GALNT2: variants seen among roughly 807,000 people sequenced by gnomAD.
GALNT2 encodes UDP-GalNAc:polypeptide N-acetylgalactosaminyltransferase 2.
A neutral mutation model predicts 81.4 loss-of-function variants in GALNT2; 31 were observed. The observed-to-expected ratio is 0.38, with a 90% CI of 0.29 to 0.51. The LOEUF (loss-of-function observed/expected upper bound fraction) is 0.51, where lower values mean the gene tolerates loss of function less well. GALNT2 is among the 20% of genes least tolerant of loss of function. The probability of loss-of-function intolerance (pLI) is 0.87; values close to 1 mark genes in which losing one functional copy is unlikely to be tolerated. For missense variants in GALNT2, 629 were observed against 765.7 expected (o/e 0.82, Z 2.11); for synonymous variants, 303 against 287.4 (o/e 1.05, Z -0.55).
rs1662086630 is a variant in GALNT2, at chr1:230,151,299, A to G, written c.127-26919A>G. 5.3e-5 allele frequency among the ~76,000 whole-genome samples: 8 copies of G among 152,140 alleles called. No individual in the cohort carries two copies. The South Asian group carries it at 1.5e-3, about 28-fold the overall frequency. ...CACTGTTGTGTCACTTGCTCTGACC[A>G]CCGTTGACATCGCAGCACAGCGCTG... On this transcript the variant is annotated intron_variant, in intron 1 of 15. Transcript: ENST00000366672.
At chr1:230,184,333 C>T (rs934422160) in intron 2 of GALNT2, among the ~76,000 whole-genome samples, 9 of 151,950 alleles carry the variant, frequency 5.9e-5, no homozygotes, top group African/African-American at 1.9e-4. Flanking sequence ...GGACTACAGG[C>T]GCCCAACCAC....
intron 1 of GALNT2, among the ~76,000 whole-genome samples, chr1:230,169,568 CTG>C (rs1662727120): frequency 6.6e-6 from 1 of 152,174 alleles, no homozygotes. Flanking sequence ...AATTGACCGA[CTG>C]TGCGTGGAAT....
chr1:230,214,843 G>C (rs756134406), intron 3 of GALNT2, among the ~76,000 whole-genome samples: 2 of 152,050 alleles, frequency 1.3e-5, no homozygotes, highest in Non-Finnish European at 2.9e-5. Flanking sequence ...GTCTCAGTCT[G>C]GATATATTTC....
chr1:230,073,412 C>T (rs1659434445), intron 1 of GALNT2, among the ~76,000 whole-genome samples: 1 of 152,198 alleles, frequency 6.6e-6, no homozygotes, highest in African/African-American at 2.4e-5. Context: ...TGATGGGCCC[C>T]CACCTTTCTA....
chr1:230,237,168 A>G (rs1220709009), intron 6 of GALNT2, among the ~76,000 whole-genome samples: 1 of 152,262 alleles, frequency 6.6e-6, no homozygotes, highest in Non-Finnish European at 1.5e-5. Context: ...TTATATGCTC[A>G]TGCGATTTTG....
chr1:230,252,674 G>A (rs1049952619), intron 10 of GALNT2, among the ~76,000 whole-genome samples: 3 of 152,080 alleles, frequency 2.0e-5, no homozygotes, highest in African/African-American at 7.2e-5. Flanking sequence ...TGAAGATACT[G>A]TAGTTATACT....
chr1:230,208,060 A>G (rs1020131014), intron 3 of GALNT2, among the ~76,000 whole-genome samples: 1 of 152,212 alleles, frequency 6.6e-6, no homozygotes, highest in Non-Finnish European at 1.5e-5. Context: ...TGGTTTCTCA[A>G]TTTAAAAAAA....
At chr1:230,160,300 A>G (rs760349652) in intron 1 of GALNT2, among the ~76,000 whole-genome samples, 4 of 152,220 alleles carry the variant, frequency 2.6e-5, no homozygotes, top group Non-Finnish European at 4.4e-5. Context: ...GTTGACCACT[A>G]TCCCCATTCT....
chr1:230,221,682 C>T (rs1443007550), intron 3 of GALNT2, among the ~76,000 whole-genome samples: 1 of 152,180 alleles, frequency 6.6e-6, no homozygotes, highest in African/African-American at 2.4e-5. Context: ...TGGAGCTCAC[C>T]TTTCAAAGTC....
chr1:230,080,831 T>C lies in GALNT2; in HGVS notation c.126+13425T>C, dbSNP rs1395631000. Among the ~76,000 whole-genome samples, 3 of 152,350 alleles carry C rather than the reference T, an allele frequency of 2.0e-5. No homozygotes were observed. In the South Asian group the frequency reaches 6.2e-4, roughly 32 times the overall value. On this transcript the variant is annotated intron_variant, in intron 1 of 15. Transcript: ENST00000366672. ...GTTCAATGATGAATAAATTAGTTTATGTAAAATGCTCAGAATGGTGCCTGG... is the reference window on the plus strand; with the variant it reads ...GTTCAATGATGAATAAATTAGTTTACGTAAAATGCTCAGAATGGTGCCTGG...
intron 3 of GALNT2, among the ~76,000 whole-genome samples, chr1:230,230,301 C>T (rs78884792): frequency 0.044 from 6,731 of 152,056 alleles, 193 homozygotes; most frequent in Non-Finnish European, 0.065. Context: ...ATTTACAAAT[C>T]GAATGTATCC....
At chr1:230,110,020 C>G (rs1475831754) in intron 1 of GALNT2, among the ~76,000 whole-genome samples, 2 of 152,204 alleles carry the variant, frequency 1.3e-5, no homozygotes, top group African/African-American at 4.8e-5. Flanking sequence ...GTACACCCGT[C>G]TGGGGTAGCA....
chr1:230,122,743 A>G (rs1279245845), intron 1 of GALNT2, among the ~76,000 whole-genome samples: 1 of 152,150 alleles, frequency 6.6e-6, no homozygotes, highest in Non-Finnish European at 1.5e-5. Context: ...ATTTAGGATA[A>G]GCCCACTAAG....
chr1:230,249,910 C>T (rs1479218573), intron 9 of GALNT2, among the ~76,000 whole-genome samples: 1 of 152,252 alleles, frequency 6.6e-6, no homozygotes, highest in Admixed American at 6.5e-5. Flanking sequence ...AGCATCGCTT[C>T]TGGGAACAAA....
intron 3 of GALNT2, among the ~76,000 whole-genome samples, chr1:230,210,644 C>G (rs768537578): frequency 1.3e-5 from 2 of 152,126 alleles, no homozygotes; most frequent in African/African-American, 2.4e-5. Context: ...AGTGGCTCAC[C>G]CTTTGTTTAG....
chr1:230,144,873 C>T (rs1572015701), intron 1 of GALNT2, among the ~76,000 whole-genome samples: 1 of 152,090 alleles, frequency 6.6e-6, no homozygotes, highest in East Asian at 1.9e-4. Flanking sequence ...TATGGTGTTG[C>T]TGATACAGTG....
intron 14 of GALNT2, among the ~76,000 whole-genome samples, chr1:230,266,357 T>C (rs1216567129): frequency 6.6e-6 from 1 of 152,164 alleles, no homozygotes; most frequent in East Asian, 1.9e-4. Flanking sequence ...AATGTGAGCT[T>C]CATGCACCAA....
At chr1:230,138,149 C>T (rs1302239264) in intron 1 of GALNT2, among the ~76,000 whole-genome samples, 5 of 152,168 alleles carry the variant, frequency 3.3e-5, no homozygotes, top group Non-Finnish European at 5.9e-5. Context: ...CATCCAGACC[C>T]CAAAGGACGG....
intron 1 of GALNT2, among the ~76,000 whole-genome samples, chr1:230,098,544 A>G (rs567716133): frequency 4.5e-4 from 69 of 151,986 alleles, no homozygotes; most frequent in African/African-American, 1.4e-3. Context: ...CAGAAGCCGC[A>G]TCTGTGTCTA....
Sources: gnomAD v4.1 joint callset for allele counts (sites outside exome capture counted in the v4.1 genomes callset) on GRCh38, gnomAD v4.1.1 for gene constraint, MANE v1.5 for transcripts, NCBI Gene and HGNC (gene_info 2026-07-23, HGNC 2026-07-21) for gene names.